SEPTIN7: variants seen among roughly 807,000 people sequenced by gnomAD.
SEPTIN7 encodes septin-7.
A neutral mutation model predicts 63.3 loss-of-function variants in SEPTIN7; 10 were observed. The observed-to-expected ratio is 0.16, with a 90% confidence interval of 0.10 to 0.27. The LOEUF (loss-of-function observed/expected upper bound fraction) is 0.27. Ranked by LOEUF, SEPTIN7 falls within the 10% of genes least tolerant of loss-of-function variation. SEPTIN7 has a pLI of 1.00. For missense variants in SEPTIN7, 310 were observed against 521.0 expected (o/e 0.59, Z 3.94); for synonymous variants, 131 against 165.3 (o/e 0.79, Z 1.59).
chr7:35,848,563 T>G (rs573607298), intron 3 of SEPTIN7, among the ~76,000 whole-genome samples: 3 of 152,250 alleles, frequency 2.0e-5, no homozygotes, highest in Admixed American at 6.5e-5. Flanking sequence ...GAATTTCAGG[T>G]AATGGGAAGA....
chr7:35,904,758 C>T lies in SEPTIN7; in HGVS notation c.*465C>T, dbSNP rs1039707334. On this transcript the variant is annotated 3_prime_UTR_variant, in exon 14 of 14. Transcript: ENST00000350320. Reference sequence around the variant, plus strand: ...TACAATAATGTAATTTAGTCTAACACAGTTGACCCTATTTTTTGACACTTC... The same window carrying T: ...TACAATAATGTAATTTAGTCTAACATAGTTGACCCTATTTTTTGACACTTC... 1 of 152,158 alleles carries T rather than the reference C, an allele frequency of 6.6e-6. No homozygotes were observed. Among genetic ancestry groups the T allele is most frequent in the Non-Finnish European group, 1.5e-5 (1 of 68,048 alleles). The allele number at this position is 152,158 out of a possible 1,614,324, so 9.4% of individuals were successfully genotyped here. A position where few individuals can be genotyped will look rare whatever the true frequency, so the allele number is the denominator to read the frequency against.
chr7:35,812,569 G>A (rs1788798246), intron 1 of SEPTIN7, among the ~76,000 whole-genome samples: 1 of 152,144 alleles, frequency 6.6e-6, no homozygotes, highest in African/African-American at 2.4e-5. Context: ...TTGAATCTGT[G>A]TTGAAAGTTT....
At chr7:35,880,559 C>T (rs1001318156) in intron 7 of SEPTIN7, among the ~76,000 whole-genome samples, 5 of 151,848 alleles carry the variant, frequency 3.3e-5, no homozygotes, top group Admixed American at 6.6e-5. Context: ...TCTTTTTGAC[C>T]AGTAGTACTT....
intron 4 of SEPTIN7, among the ~76,000 whole-genome samples, chr7:35,868,955 G>A (rs1385354132): frequency 2.0e-5 from 3 of 152,128 alleles, no homozygotes; most frequent in Admixed American, 6.5e-5. Context: ...GACAGACATG[G>A]GCTTGGGAAG....
intron 1 of SEPTIN7, among the ~76,000 whole-genome samples, chr7:35,816,296 T>A (rs1478606344): frequency 6.6e-6 from 1 of 152,222 alleles, no homozygotes; most frequent in East Asian, 1.9e-4. Context: ...TGGATTTGTC[T>A]ATCTTGGACA....
chr7:35,845,177 C>T (rs1426633795), intron 3 of SEPTIN7, among the ~76,000 whole-genome samples: 2 of 151,980 alleles, frequency 1.3e-5, no homozygotes, highest in African/African-American at 4.8e-5. Flanking sequence ...TGTGAGTGAC[C>T]ACCCCTGCCT....
intron 5 of SEPTIN7, among the ~76,000 whole-genome samples, 191 bp downstream of exon 5, chr7:35,872,957 C>T (rs1453727435): frequency 6.6e-6 from 1 of 152,088 alleles, no homozygotes; most frequent in Non-Finnish European, 1.5e-5. Context: ...AACCCATTTA[C>T]TTTTCTATAA....
rs1403103276 is a variant in SEPTIN7 at position 35,830,504 on chromosome 7, G to T, written c.62-988G>T. ...GCTGAGACATTAGGATTTTATAAAA[G>T]CTCCCCCAAGTGATTCTAAGATGCT... On this transcript the variant is annotated intron_variant, in intron 1 of 13. Transcript: ENST00000350320. Among the ~76,000 whole-genome samples, 5 of 152,174 alleles carry T rather than the reference G, an allele frequency of 3.3e-5. No homozygotes were observed. The East Asian group carries it at 9.6e-4, about 29-fold the overall frequency.
At chr7:35,870,823 T>TA (rs34827594) in intron 4 of SEPTIN7, among the ~76,000 whole-genome samples, 3,127 of 114,606 alleles carry the variant, frequency 0.027, 64 homozygotes, top group South Asian at 0.064. Flanking sequence ...AGACCCTGAC[T>TA]AAAAAAAAAA....
chr7:35,879,971 A>T lies in SEPTIN7; in HGVS notation c.630+31A>T, dbSNP rs369915054. On this transcript the variant is annotated intron_variant, in intron 7 of 13. Coordinates refer to ENST00000350320, the MANE Select transcript of SEPTIN7 (RefSeq NM_001788.6). ...CAGGATGTGTTAACCCAGGTTTCTT[A>T]TACCGTTCTCATAATTTGCAGTTTT... The T allele has an allele frequency of 1.9e-5, 24 of 1,261,068 alleles. No individual in the cohort carries two copies. The African/African-American group carries it at 3.0e-4, about 16-fold the overall frequency. The allele number at this position is 1,261,068 out of a possible 1,614,324, so 78.1% of individuals were successfully genotyped here. A position where few individuals can be genotyped will look rare whatever the true frequency, so the allele number is the denominator to read the frequency against.
chr7:35,802,681 A>C (rs190102088), intron 1 of SEPTIN7, among the ~76,000 whole-genome samples: 2 of 152,290 alleles, frequency 1.3e-5, no homozygotes, highest in East Asian at 3.9e-4. Flanking sequence ...GTGTACAGGT[A>C]GGGATGAAAT....
At chr7:35,815,871 T>C (rs1223465735) in intron 1 of SEPTIN7, among the ~76,000 whole-genome samples, 4 of 152,180 alleles carry the variant, frequency 2.6e-5, no homozygotes, top group Non-Finnish European at 5.9e-5. Flanking sequence ...ATAGACTTAG[T>C]ATTCTTCCCA....
intron 4 of SEPTIN7, among the ~76,000 whole-genome samples, chr7:35,866,911 T>A (rs1785840188): frequency 6.6e-6 from 1 of 152,164 alleles, no homozygotes; most frequent in Admixed American, 6.5e-5. Flanking sequence ...GCTGAGTCCC[T>A]TTCTTCATGG....
At chr7:35,828,348 T>G (rs1387933786) in intron 1 of SEPTIN7, among the ~76,000 whole-genome samples, 1 of 152,208 alleles carries the variant, frequency 6.6e-6, no homozygotes, top group Non-Finnish European at 1.5e-5. Context: ...GACTGATCTT[T>G]CTCTGCTCCA....
At chr7:35,804,233 C>T (rs1291625243) in intron 1 of SEPTIN7, among the ~76,000 whole-genome samples, 1 of 152,180 alleles carries the variant, frequency 6.6e-6, no homozygotes, top group Admixed American at 6.5e-5. Context: ...TGTTATCCCC[C>T]ATAGCCAGAA....
chr7:35,898,441 C>T, intron 12 of SEPTIN7, 58 bp downstream of exon 12: 1 of 1,131,832 alleles, frequency 8.8e-7, no homozygotes, highest in Non-Finnish European at 1.3e-6. Context: ...TAAGTAGTAT[C>T]TTCAGTAAAA....
intron 11 of SEPTIN7, among the ~76,000 whole-genome samples, chr7:35,890,997 A>G (rs1787606256): frequency 6.6e-6 from 1 of 152,222 alleles, no homozygotes; most frequent in Non-Finnish European, 1.5e-5. Context: ...TTCACTTACA[A>G]ATTATGTGGA....
intron 1 of SEPTIN7, among the ~76,000 whole-genome samples, chr7:35,805,533 C>G (rs1186472293): frequency 6.6e-6 from 1 of 152,228 alleles, no homozygotes; most frequent in East Asian, 1.9e-4. Flanking sequence ...ACAGACCACA[C>G]TTTGCATAGC....
At chr7:35,829,759 A>T (rs1474478417) in intron 1 of SEPTIN7, among the ~76,000 whole-genome samples, 1 of 152,196 alleles carries the variant, frequency 6.6e-6, no homozygotes, top group Non-Finnish European at 1.5e-5. Flanking sequence ...AAGTTGGGTA[A>T]AATGTGTGTT....
Sources: gnomAD v4.1 joint callset for allele counts (sites outside exome capture counted in the v4.1 genomes callset) on GRCh38, gnomAD v4.1.1 for gene constraint, MANE v1.5 for transcripts, NCBI Gene and HGNC (gene_info 2026-07-23, HGNC 2026-07-21) for gene names.